The following PRKG1 variants were observed in gnomAD, a reference collection of about 807,000 sequenced individuals.
PRKG1 encodes cGMP-dependent protein kinase 1.
PRKG1 carries 35 observed loss-of-function variants against 88.1 expected under a neutral mutation model. The observed-to-expected ratio is 0.40, with a 90% CI of 0.30 to 0.53. The LOEUF (loss-of-function observed/expected upper bound fraction) is 0.53, where lower values mean the gene tolerates loss of function less well. Ranked by LOEUF, PRKG1 falls within the 20% of genes least tolerant of loss-of-function variation. PRKG1 has a pLI of 0.59. For missense variants in PRKG1, 540 were observed against 839.8 expected (o/e 0.64, Z 4.41); for synonymous variants, 303 against 292.5 (o/e 1.04, Z -0.37).
At chr10:50,993,113 G>A (rs1842798967) in intron 1 of PRKG1, among the ~76,000 whole-genome samples, 1 of 152,156 alleles carries the variant, frequency 6.6e-6, no homozygotes, top group African/African-American at 2.4e-5. Context: ...TGCCTCTGGA[G>A]TCCCTCTTGT....
intron 1 of PRKG1, among the ~76,000 whole-genome samples, chr10:51,063,299 T>C (rs1275110589): frequency 6.6e-6 from 1 of 152,212 alleles, no homozygotes; most frequent in East Asian, 1.9e-4. Flanking sequence ...TAGGTAATTT[T>C]ATCATTGTGC....
chr10:51,596,063 T>G (rs1838439365), intron 3 of PRKG1, among the ~76,000 whole-genome samples: 1 of 152,124 alleles, frequency 6.6e-6, no homozygotes, highest in African/African-American at 2.4e-5. Context: ...ACTCCTGACC[T>G]CATGATCCAC....
Position 51,205,127 on chromosome 10 carries a change from C to CTTTTTTT in PRKG1, c.478+51821_478+51827dup, listed in dbSNP as rs58176913. Among the ~76,000 whole-genome samples the CTTTTTTT allele has an allele frequency of 1.6e-3, 100 of 64,002 alleles. 6 individuals carry two copies. Among genetic ancestry groups the CTTTTTTT allele is most frequent in the Non-Finnish European group, 2.0e-3 (65 of 33,230 alleles). The allele number at this position is 64,002 out of a possible 152,430, so 42.0% of individuals were successfully genotyped here. ...TAAGGAAGAATTTTCATTTTCTTTT[C>CTTTTTTT]TTTTTTTTTTTTTTTTTTTTTTTTT... is the stretch of plus-strand genomic sequence containing the variant. On this transcript the variant is annotated intron_variant, in intron 2 of 17. Transcript: ENST00000373980.
intron 2 of PRKG1, among the ~76,000 whole-genome samples, chr10:51,311,302 GA>G (rs1226023273): frequency 6.6e-6 from 1 of 152,168 alleles, no homozygotes; most frequent in Non-Finnish European, 1.5e-5. Context: ...TAAGCTTCTA[GA>G]AACCATAATT....
intron 3 of PRKG1, among the ~76,000 whole-genome samples, chr10:51,495,159 A>T (rs913954158): frequency 2.0e-5 from 3 of 152,048 alleles, no homozygotes; most frequent in South Asian, 2.1e-4. Context: ...CAGTGGCACG[A>T]TCTTGGCTCA....
intron 4 of PRKG1, among the ~76,000 whole-genome samples, chr10:51,840,830 C>G (rs973920401): frequency 1.3e-5 from 2 of 151,922 alleles, no homozygotes; most frequent in East Asian, 3.9e-4. Context: ...ACAGGTATGA[C>G]CCACAACACC....
chr10:51,078,838 G>A (rs1012695361), intron 1 of PRKG1, among the ~76,000 whole-genome samples: 6 of 151,838 alleles, frequency 4.0e-5, no homozygotes, highest in African/African-American at 1.2e-4. Context: ...GGATGGTCTT[G>A]ATCTCCTGAC....
intron 9 of PRKG1, among the ~76,000 whole-genome samples, chr10:52,222,014 C>T (rs990991437): frequency 3.8e-4 from 58 of 152,212 alleles, no homozygotes; most frequent in African/African-American, 1.3e-3. Flanking sequence ...GCTTTGGAGT[C>T]GGTAAGGGTG....
intron 5 of PRKG1, among the ~76,000 whole-genome samples, chr10:51,913,860 A>G (rs138948010): frequency 6.6e-6 from 1 of 152,326 alleles, no homozygotes; most frequent in East Asian, 1.9e-4. Flanking sequence ...AGGTGCAAGT[A>G]TGGAACAGAA....
intron 5 of PRKG1, among the ~76,000 whole-genome samples, chr10:52,027,867 C>T (rs1470322696): frequency 6.6e-6 from 1 of 152,152 alleles, no homozygotes; most frequent in Non-Finnish European, 1.5e-5. Flanking sequence ...TGGCTCATTT[C>T]AACCTCCACC....
chr10:52,175,299 C>T (rs979364094), intron 9 of PRKG1, among the ~76,000 whole-genome samples: 5 of 151,994 alleles, frequency 3.3e-5, no homozygotes, highest in Admixed American at 2.6e-4. Context: ...CCATCTATAT[C>T]GCCACAAACA....
At chr10:52,100,849 G>A (rs773045729) in intron 7 of PRKG1, among the ~76,000 whole-genome samples, 1 of 152,128 alleles carries the variant, frequency 6.6e-6, no homozygotes, top group Non-Finnish European at 1.5e-5. Flanking sequence ...ACAAGTAAAG[G>A]ATTAAGTTCC....
chr10:51,000,994 C>A (rs577738539), intron 1 of PRKG1, among the ~76,000 whole-genome samples: 3 of 152,264 alleles, frequency 2.0e-5, no homozygotes, highest in East Asian at 3.9e-4. Context: ...GCTGTGGGGA[C>A]ATAGAGTTAG....
chr10:51,817,553 T>G (rs1019449030), intron 4 of PRKG1, among the ~76,000 whole-genome samples: 2 of 152,164 alleles, frequency 1.3e-5, no homozygotes, highest in East Asian at 1.9e-4. Context: ...GGCTGCATAG[T>G]GTTCCATGGT....
At chr10:51,113,944 C>T (rs1031814407) in intron 1 of PRKG1, among the ~76,000 whole-genome samples, 15 of 139,126 alleles carry the variant, frequency 1.1e-4, no homozygotes, top group South Asian at 4.9e-4. Flanking sequence ...AGCCTGTAAA[C>T]GTGTGTGTGT....
At chr10:52,002,382 A>G (rs1373605845) in intron 5 of PRKG1, among the ~76,000 whole-genome samples, 5 of 152,054 alleles carry the variant, frequency 3.3e-5, no homozygotes, top group Non-Finnish European at 7.4e-5. Context: ...GAGTTTGGTT[A>G]ATGCTTTCTT....
intron 2 of PRKG1, among the ~76,000 whole-genome samples, chr10:51,154,500 A>C (rs2131977557): frequency 6.6e-6 from 1 of 152,144 alleles, no homozygotes; most frequent in East Asian, 1.9e-4. Context: ...AAATGAGATA[A>C]TTTGTATAAT....
At chr10:51,597,405 C>T (rs536698224) in intron 3 of PRKG1, among the ~76,000 whole-genome samples, 1 of 152,200 alleles carries the variant, frequency 6.6e-6, no homozygotes, top group African/African-American at 2.4e-5. Context: ...TTCTCAATAA[C>T]CCATTTATTT....
intron 2 of PRKG1, among the ~76,000 whole-genome samples, chr10:51,241,468 A>G (rs1350705078): frequency 6.6e-6 from 1 of 152,216 alleles, no homozygotes; most frequent in East Asian, 1.9e-4. Flanking sequence ...TCTTAATTTA[A>G]GCCGAGGGAG....
Sources: allele counts gnomAD v4.1 joint callset (sites outside exome capture counted in the v4.1 genomes callset), GRCh38; gene constraint gnomAD v4.1.1; transcripts MANE v1.5; gene names NCBI Gene and HGNC (gene_info 2026-07-23, HGNC 2026-07-21).